The following WDR7 variants were observed in gnomAD, a reference collection of about 807,000 sequenced individuals.
The protein encoded by WDR7 is WD repeat-containing protein 7.
WDR7 carries 46 observed loss-of-function variants against 169.4 expected under a neutral mutation model. The observed-to-expected ratio is 0.27, with a 90% CI of 0.21 to 0.35. The LOEUF (loss-of-function observed/expected upper bound fraction) is 0.35. WDR7 is among the 10% of genes least tolerant of loss of function. The pLI, the probability that WDR7 is intolerant of heterozygous loss-of-function variation, is 1.00. For synonymous variants in WDR7, 612 were observed against 666.8 expected (o/e 0.92, Z 1.27); for missense variants, 1,534 against 1,859.3 (o/e 0.83, Z 3.22).
chr18:56,781,738 A>G (rs1213442629), intron 19 of WDR7, 82 bp downstream of exon 19: 2 of 1,306,584 alleles, frequency 1.5e-6, no homozygotes, highest in Non-Finnish European at 2.0e-6. Flanking sequence ...ATATGCTACT[A>G]CCCATCAACA....
intron 22 of WDR7, among the ~76,000 whole-genome samples, chr18:56,935,568 A>C (rs2046948020): frequency 6.6e-6 from 1 of 152,216 alleles, no homozygotes; most frequent in South Asian, 2.1e-4. Flanking sequence ...GGACAGATGC[A>C]CATACTGTTT....
At chr18:56,889,895 A>G (rs530719567) in intron 21 of WDR7, among the ~76,000 whole-genome samples, 3 of 152,318 alleles carry the variant, frequency 2.0e-5, no homozygotes, top group African/African-American at 7.2e-5. Flanking sequence ...TCTCTTTGGT[A>G]TGAGATACAC....
At chr18:57,023,829 A>G (rs1273879829) in intron 27 of WDR7, among the ~76,000 whole-genome samples, 1 of 152,202 alleles carries the variant, frequency 6.6e-6, no homozygotes, top group African/African-American at 2.4e-5. Flanking sequence ...TTTTTCAGAA[A>G]TGCTGATAAT....
In WDR7 at chr18:56,834,748, A is replaced by G. The variant is rs2900718; in HGVS notation, c.3304+18604A>G. 4.9e-3 allele frequency among the ~76,000 whole-genome samples: 739 copies of G among 152,272 alleles called. 3 individuals carry two copies. Among genetic ancestry groups the G allele is most frequent in the Non-Finnish European group, 7.9e-3 (534 of 68,020 alleles). On this transcript the variant is annotated intron_variant, in intron 20 of 27. Transcript: ENST00000254442. ...AAGGCATCCCACATTTTTGTCTGCT[A>G]AAAGTGGAATCGTTTAAAATGTCAG...
chr18:56,810,842 T>A (rs2044856495), intron 19 of WDR7, among the ~76,000 whole-genome samples: 1 of 152,160 alleles, frequency 6.6e-6, no homozygotes, highest in South Asian at 2.1e-4. Flanking sequence ...AGTGGTTTTT[T>A]AAGCTGATTT....
chr18:56,815,840 A>T (rs909693224), intron 19 of WDR7, among the ~76,000 whole-genome samples, 191 bp from the exon 20 acceptor site: 3 of 152,254 alleles, frequency 2.0e-5, no homozygotes, highest in African/African-American at 7.2e-5. Flanking sequence ...CCATGTACAT[A>T]TATACATGCA....
rs2045307049 is a variant in WDR7 at position 56,831,446 on chromosome 18, G to A, written c.3304+15302G>A. Among the ~76,000 whole-genome samples the A allele has an allele frequency of 4.6e-5, 7 of 152,168 alleles. No individual in the cohort carries two copies. The South Asian group carries it at 1.5e-3, about 32-fold the overall frequency. On this transcript the variant is annotated intron_variant, in intron 20 of 27. Coordinates refer to ENST00000254442, the MANE Select transcript of WDR7 (RefSeq NM_015285.3). ...TGGGGAATGATGCTGGGGCAAGTCG[G>A]GGTAAGCAGTGGTCTAGGTTCCAGC...
At position 56,909,419 on chromosome 18, in the gene WDR7, G is replaced by A. The variant is rs187339733; in HGVS notation, c.3527-14503G>A. On this transcript the variant is annotated intron_variant, in intron 21 of 27. Coordinates refer to ENST00000254442, the MANE Select transcript of WDR7 (RefSeq NM_015285.3). ...TGTCATATTCTTCAGGTATGTTGGG[G>A]TAGAGGAAAAGATTGTGCACTATTG... 1.6e-4 allele frequency among the ~76,000 whole-genome samples: 24 copies of A among 152,210 alleles called. No individual in the cohort carries two copies. The East Asian group carries it at 3.9e-3, about 24-fold the overall frequency.
intron 12 of WDR7, among the ~76,000 whole-genome samples, chr18:56,710,807 T>C (rs2026070168): frequency 6.6e-6 from 1 of 152,204 alleles, no homozygotes; most frequent in Non-Finnish European, 1.5e-5. Flanking sequence ...TAATAGTACC[T>C]ACCTCGAAGG....
At chr18:56,876,688 G>T (rs969169648) in intron 20 of WDR7, among the ~76,000 whole-genome samples, 7 of 152,120 alleles carry the variant, frequency 4.6e-5, no homozygotes, top group African/African-American at 1.7e-4. Context: ...GAAAATGCAT[G>T]TATTAAATAC....
chr18:57,022,272 G>A (rs4445976), intron 27 of WDR7, among the ~76,000 whole-genome samples: 127,139 of 152,236 alleles, frequency 0.84, 53,366 homozygotes, highest in Non-Finnish European at 0.87. Flanking sequence ...AATGGCCTCT[G>A]TTATGTCAGC....
chr18:56,686,758 G>A (rs370892847), intron 6 of WDR7, 97 bp from the exon 7 acceptor site: 6 of 1,035,762 alleles, frequency 5.8e-6, no homozygotes, highest in African/African-American at 3.1e-5. Flanking sequence ...AACATATGAA[G>A]CGATGCCTTT....
At chr18:56,673,093 A>G (rs1278458144) in intron 2 of WDR7, among the ~76,000 whole-genome samples, 2 of 152,072 alleles carry the variant, frequency 1.3e-5, no homozygotes, top group African/African-American at 2.4e-5. Flanking sequence ...CCTTACTACT[A>G]TGGATTGCTC....
chr18:57,023,688 C>G (rs1033263265), intron 27 of WDR7, among the ~76,000 whole-genome samples: 1 of 152,112 alleles, frequency 6.6e-6, no homozygotes, highest in Non-Finnish European at 1.5e-5. Context: ...ATTTTCTAAC[C>G]CCGTTTTCTA....
chr18:56,680,976 G>A (rs2144569425), intron 3 of WDR7, among the ~76,000 whole-genome samples: 1 of 152,286 alleles, frequency 6.6e-6, no homozygotes, highest in South Asian at 2.1e-4. Flanking sequence ...ACCTCTGTGT[G>A]AAGCAGCCAG....
chr18:56,774,505 G>C (rs1454386193), intron 16 of WDR7, among the ~76,000 whole-genome samples: 1 of 152,094 alleles, frequency 6.6e-6, no homozygotes, highest in African/African-American at 2.4e-5. Flanking sequence ...GAAGCAAATT[G>C]ATAGGTGACA....
intron 14 of WDR7, among the ~76,000 whole-genome samples, chr18:56,747,856 T>C (rs189102202): frequency 5.3e-5 from 8 of 152,088 alleles, no homozygotes; most frequent in Admixed American, 3.9e-4. Flanking sequence ...ATTTCTGAAA[T>C]GAGGGCTTGT....
At chr18:56,688,694 A>C (rs1489382522) in intron 7 of WDR7, among the ~76,000 whole-genome samples, 1 of 151,278 alleles carries the variant, frequency 6.6e-6, no homozygotes, top group African/African-American at 2.4e-5. Flanking sequence ...GCGGCACTGC[A>C]CTCCAGCCTG....
chr18:56,950,849 A>G (rs1007119429), intron 25 of WDR7, among the ~76,000 whole-genome samples: 1 of 152,220 alleles, frequency 6.6e-6, no homozygotes, highest in Non-Finnish European at 1.5e-5. Context: ...TTAAATCACC[A>G]TGGTACATAA....
Sources: allele counts gnomAD v4.1 joint callset (sites outside exome capture counted in the v4.1 genomes callset), GRCh38; gene constraint gnomAD v4.1.1; transcripts MANE v1.5; gene names NCBI Gene and HGNC (gene_info 2026-07-23, HGNC 2026-07-21).